Variants in ANG observed in about 807,000 individuals in gnomAD.
The protein encoded by ANG is angiogenin, also known as Homo sapiens epididymis luminal protein 168.
For synonymous variants in ANG, 74 were observed against 73.8 expected (o/e 1.00, Z -0.02); for missense variants, 178 against 187.4 (o/e 0.95, Z 0.29).
At chr14:20,691,732 A>G in intron 1 of ANG, among the ~76,000 whole-genome samples, 1 of 152,260 alleles carries the variant, frequency 6.6e-6, no homozygotes, top group East Asian at 1.9e-4. Context: ...TTCCACAATA[A>G]TGGAGTAAAT....
rs1440927797 is a variant in ANG, at chr14:20,693,701, A to G, written c.137A>G (p.Asp46Gly). 7 of 1,614,184 alleles carry G rather than the reference A, an allele frequency of 4.3e-6. No homozygotes were observed. The highest frequency in any genetic ancestry group is 5.9e-6 in the Non-Finnish European group (7 of 1,180,026). The change falls in exon 2 of 2, where the codon GAT (aspartate) becomes GGT (glycine). Residue 46 changes from aspartate (D) to glycine (G), a missense_variant. Physicochemically the swap from Asp to Gly is moderately conservative, Grantham distance 94 (BLOSUM62 -1). Coordinates refer to ENST00000397990, the MANE Select transcript of ANG (RefSeq NM_001097577.3). ...TATGATGCCAAACCACAGGGCCGGG[A>G]TGACAGATACTGTGAAAGCATCATG... ...QHYDAKPQGR[D>G]DRYCESIMRR... is the part of the protein sequence containing the mutation.
At chr14:20,691,149 C>T (rs1453501121) in intron 1 of ANG, among the ~76,000 whole-genome samples, 1 of 152,190 alleles carries the variant, frequency 6.6e-6, no homozygotes, top group Non-Finnish European at 1.5e-5. Context: ...ACAGCATTGG[C>T]ACCTCCTGCA....
At chr14:20,692,790 C>G (rs1886837487) in intron 1 of ANG, among the ~76,000 whole-genome samples, 1 of 152,164 alleles carries the variant, frequency 6.6e-6, no homozygotes, top group Non-Finnish European at 1.5e-5. Context: ...TACATTGAAG[C>G]CCCCATCTTT....
At chr14:20,686,312 A>T (rs937703811), upstream of ANG, among the ~76,000 whole-genome samples, 1 of 152,176 alleles carries the variant, frequency 6.6e-6, no homozygotes, top group Non-Finnish European at 1.5e-5. Flanking sequence ...TTCCAGGAAA[A>T]GAGGAATGGC....
rs1052640292 is a variant in ANG, at chr14:20,688,891, T to C, written c.-19+17T>C. ...TCCTCCTGGGTAAACTATTGTTCAATTTGTTTTATATATTATTTCTAGCCA... is the reference window on the plus strand; with the variant it reads ...TCCTCCTGGGTAAACTATTGTTCAACTTGTTTTATATATTATTTCTAGCCA... On this transcript the variant is annotated intron_variant, in intron 1 of 1. Transcript: ENST00000397990. 4 of 980,022 alleles carry C rather than the reference T, an allele frequency of 4.1e-6. No individual in the cohort carries two copies. Among genetic ancestry groups the C allele is most frequent in the Non-Finnish European group, 4.8e-6 (4 of 825,074 alleles). 60.7% of individuals were successfully genotyped at this position (980,022 alleles called of 1,614,324 possible). A position where few individuals can be genotyped will look rare whatever the true frequency, so the allele number is the denominator to read the frequency against.
chr14:20,690,790 T>C (rs188458732), intron 1 of ANG, among the ~76,000 whole-genome samples: 1 of 152,286 alleles, frequency 6.6e-6, no homozygotes, highest in African/African-American at 2.4e-5. Context: ...TAAAAAATAT[T>C]AAGGGTTATA....
intron 1 of ANG, among the ~76,000 whole-genome samples, chr14:20,690,591 G>A (rs1886694609): frequency 6.6e-6 from 1 of 152,142 alleles, no homozygotes; most frequent in African/African-American, 2.4e-5. Context: ...CAAGATTACA[G>A]GCCCCCAACT....
chr14:20,689,928 A>AAAC (rs1555346018), intron 1 of ANG, among the ~76,000 whole-genome samples: 24 of 151,164 alleles, frequency 1.6e-4, no homozygotes, highest in Admixed American at 7.9e-4. Context: ...AAAAAAAAAA[A>AAAC]AAACAGGCCG....
At chr14:20,686,274 C>T (rs1886423738), upstream of ANG, among the ~76,000 whole-genome samples, 1 of 152,066 alleles carries the variant, frequency 6.6e-6, no homozygotes, top group African/African-American at 2.4e-5. Context: ...GATGAACTAT[C>T]GTTTGGCAGA....
At chr14:20,685,999 C>G (rs1268417425), upstream of ANG, among the ~76,000 whole-genome samples, 1 of 149,982 alleles carries the variant, frequency 6.7e-6, no homozygotes, top group Non-Finnish European at 1.5e-5. Flanking sequence ...GAGATTGCGT[C>G]ACTGCACTCT....
chr14:20,690,107 C>A (rs1211575963), intron 1 of ANG, among the ~76,000 whole-genome samples: 1 of 140,078 alleles, frequency 7.1e-6, no homozygotes, highest in Non-Finnish European at 1.5e-5. Context: ...CCCAGCTACT[C>A]GGGAGGCTGA....
At chr14:20,691,968 A>G (rs1435408722) in intron 1 of ANG, among the ~76,000 whole-genome samples, 1 of 152,228 alleles carries the variant, frequency 6.6e-6, no homozygotes, top group African/African-American at 2.4e-5. Flanking sequence ...TTTTAAGCTC[A>G]GACTCCCTTC....
intron 1 of ANG, among the ~76,000 whole-genome samples, chr14:20,690,482 G>T (rs1886689268): frequency 6.6e-6 from 1 of 152,052 alleles, no homozygotes; most frequent in African/African-American, 2.4e-5. Flanking sequence ...ATTTAGAGTT[G>T]AATATATTGA....
At chr14:20,686,001 C>T (rs1886406981), upstream of ANG, among the ~76,000 whole-genome samples, 1 of 149,758 alleles carries the variant, frequency 6.7e-6, no homozygotes, top group Non-Finnish European at 1.5e-5. Flanking sequence ...GATTGCGTCA[C>T]TGCACTCTAG....
chr14:20,688,325 A>G (rs1022980066), upstream of ANG, among the ~76,000 whole-genome samples: 1 of 152,200 alleles, frequency 6.6e-6, no homozygotes, highest in Non-Finnish European at 1.5e-5. Context: ...TCATGAAACC[A>G]AATGATGTGA....
chr14:20,689,006 GT>G (rs1886558730), intron 1 of ANG, 132 bp downstream of exon 1: 1 of 364,336 alleles, frequency 2.7e-6, no homozygotes, highest in Admixed American at 6.4e-5. Flanking sequence ...AGATTCTAAA[GT>G]TTAAAATGAA....
At chr14:20,685,045 A>T (rs968567077), upstream of ANG, among the ~76,000 whole-genome samples, 2 of 152,166 alleles carry the variant, frequency 1.3e-5, no homozygotes, top group Non-Finnish European at 2.9e-5. Context: ...ACCTAAGGGA[A>T]GCCCTAGGAG....
chr14:20,694,166 A>G lies in ANG; in HGVS notation c.*158A>G. ...TTGACAACATGTTTAATAAATAAAA[A>G]TGTCTTGATATCAGTAAGAATCAGA... is the stretch of plus-strand genomic sequence containing the variant. On this transcript the variant is annotated 3_prime_UTR_variant, in exon 2 of 2. Transcript: ENST00000397990. 2.6e-6 allele frequency: 2 copies of G among 769,420 alleles called. No homozygotes were observed. Among genetic ancestry groups the G allele is most frequent in the East Asian group, 5.3e-5 (2 of 37,644 alleles). 47.7% of individuals were successfully genotyped at this position (769,420 alleles called of 1,614,324 possible).
chr14:20,691,746 A>G (rs900822541), intron 1 of ANG, among the ~76,000 whole-genome samples: 1 of 152,250 alleles, frequency 6.6e-6, no homozygotes, highest in Non-Finnish European at 1.5e-5. Context: ...AGTAAATAGC[A>G]GCTGGAAATG....
Sources: gnomAD v4.1 joint callset for allele counts (sites outside exome capture counted in the v4.1 genomes callset) on GRCh38, gnomAD v4.1.1 for gene constraint, MANE v1.5 for transcripts, NCBI Gene and HGNC (gene_info 2026-07-23, HGNC 2026-07-21) for gene names.